The following UGGT2 variants were observed in gnomAD, a reference collection of about 807,000 sequenced individuals.
UGGT2 encodes UDP-glucose:glycoprotein glucosyltransferase 2.
In UGGT2, 180 loss-of-function variants were observed where a neutral mutation model predicts 192.1. The ratio of observed to expected loss-of-function variants is 0.94; its 90% CI spans 0.83 to 1.06. The LOEUF (loss-of-function observed/expected upper bound fraction) is 1.06. UGGT2 is among the 50% of genes least tolerant of loss of function. The probability of loss-of-function intolerance (pLI) is 0.00; values close to 1 mark genes in which losing one functional copy is unlikely to be tolerated. For missense variants in UGGT2, 1,849 were observed against 1,795.7 expected (o/e 1.03, Z -0.54); for synonymous variants, 580 against 591.0 (o/e 0.98, Z 0.27).
intron 38 of UGGT2, among the ~76,000 whole-genome samples, chr13:95,813,502 C>A (rs916390186): frequency 6.6e-6 from 1 of 152,116 alleles, no homozygotes; most frequent in Admixed American, 6.6e-5. Flanking sequence ...CTGTTTCTAG[C>A]AAGCTATGCT....
At chr13:95,947,942 A>C (rs1332201229) in intron 14 of UGGT2, 54 bp downstream of exon 14, 1 of 1,438,046 alleles carries the variant, frequency 7.0e-7, no homozygotes, top group Non-Finnish European at 9.7e-7. Context: ...ACACAATATG[A>C]ATAACATTGA....
At chr13:95,826,574 A>G (rs1380214218) in intron 38 of UGGT2, among the ~76,000 whole-genome samples, 2 of 152,088 alleles carry the variant, frequency 1.3e-5, no homozygotes, top group Admixed American at 1.3e-4. Context: ...ACAAGCAACC[A>G]CCAGTAAGAA....
intron 7 of UGGT2, among the ~76,000 whole-genome samples, chr13:95,994,429 G>A (rs2051554514): frequency 2.0e-5 from 3 of 151,476 alleles, no homozygotes; most frequent in Admixed American, 1.3e-4. Context: ...AAAAAATAAT[G>A]ATTTACTTAA....
intron 38 of UGGT2, among the ~76,000 whole-genome samples, chr13:95,829,984 C>T (rs1330204193): frequency 6.6e-6 from 1 of 152,206 alleles, no homozygotes; most frequent in African/African-American, 2.4e-5. Flanking sequence ...CACACATCTA[C>T]AACCATCTGA....
chr13:95,830,854 A>T (rs1886599981), intron 38 of UGGT2, among the ~76,000 whole-genome samples: 1 of 152,196 alleles, frequency 6.6e-6, no homozygotes, highest in South Asian at 2.1e-4. Context: ...CACTATTCAC[A>T]ATAGCAAAGA....
intron 20 of UGGT2, among the ~76,000 whole-genome samples, chr13:95,912,312 T>C (rs1459406804): frequency 1.3e-5 from 2 of 152,194 alleles, no homozygotes; most frequent in African/African-American, 2.4e-5. Context: ...TGTTTGCAGA[T>C]GACATGATTG....
At chr13:95,843,259 C>T (rs922993302) in intron 36 of UGGT2, among the ~76,000 whole-genome samples, 21 of 152,172 alleles carry the variant, frequency 1.4e-4, no homozygotes, top group African/African-American at 4.8e-4. Flanking sequence ...CGAATTCTAG[C>T]AGGTATATAT....
chr13:95,825,936 T>C (rs545864704), intron 38 of UGGT2, among the ~76,000 whole-genome samples: 48 of 152,254 alleles, frequency 3.2e-4, no homozygotes, highest in African/African-American at 1.1e-3. Flanking sequence ...CAGTGATTGC[T>C]ACTGCTCTTC....
intron 1 of UGGT2, among the ~76,000 whole-genome samples, chr13:96,040,049 T>C (rs1182337210): frequency 6.6e-6 from 1 of 152,214 alleles, no homozygotes; most frequent in African/African-American, 2.4e-5. Context: ...GTCTAGGCTT[T>C]TAATACCAAA....
At chr13:95,937,200 T>C (rs1355818786) in intron 16 of UGGT2, 112 bp from the exon 17 acceptor site, 4 of 1,226,006 alleles carry the variant, frequency 3.3e-6, no homozygotes, top group Non-Finnish European at 4.5e-6. Context: ...AAAACATCCA[T>C]TTTGCTAACT....
intron 38 of UGGT2, among the ~76,000 whole-genome samples, chr13:95,831,605 A>T (rs183439168): frequency 2.0e-5 from 3 of 152,152 alleles, no homozygotes; most frequent in Admixed American, 2.0e-4. Context: ...TCTTTTTTTA[A>T]GTTTGTTGAA....
chr13:95,907,362 G>A (rs936795477), intron 20 of UGGT2, among the ~76,000 whole-genome samples: 1 of 152,238 alleles, frequency 6.6e-6, no homozygotes, highest in Non-Finnish European at 1.5e-5. Context: ...GACAACTTCT[G>A]CAGACTTAAA....
chr13:95,974,016 T>C (rs961236962), intron 10 of UGGT2, among the ~76,000 whole-genome samples: 9 of 152,194 alleles, frequency 5.9e-5, no homozygotes, highest in Non-Finnish European at 1.0e-4. Flanking sequence ...TAGGGACTTG[T>C]GTGAACTACT....
At chr13:95,971,709 A>T (rs1291796805) in intron 11 of UGGT2, among the ~76,000 whole-genome samples, 1 of 152,056 alleles carries the variant, frequency 6.6e-6, no homozygotes, top group African/African-American at 2.4e-5. Context: ...TACTCTTTCT[A>T]TGTGTATTAT....
At chr13:95,909,857 G>A (rs781640164) in intron 20 of UGGT2, among the ~76,000 whole-genome samples, 37 of 140,438 alleles carry the variant, frequency 2.6e-4, no homozygotes, top group South Asian at 2.2e-4. Flanking sequence ...TCGAGTTATC[G>A]ACAAAGGGAA....
chr13:95,927,754 G>C (rs896654747), intron 17 of UGGT2, among the ~76,000 whole-genome samples: 5 of 152,102 alleles, frequency 3.3e-5, no homozygotes, highest in Non-Finnish European at 7.4e-5. Context: ...TGGAGGGAAG[G>C]TCAGCAGATA....
At chr13:96,006,307 C>A (rs2051972363) in intron 5 of UGGT2, among the ~76,000 whole-genome samples, 1 of 152,130 alleles carries the variant, frequency 6.6e-6, no homozygotes, top group South Asian at 2.1e-4. Context: ...AACAGAGTCA[C>A]AAGTAAACTT....
intron 5 of UGGT2, among the ~76,000 whole-genome samples, chr13:96,002,564 G>A (rs2051840462): frequency 6.6e-6 from 1 of 152,074 alleles, no homozygotes; most frequent in Non-Finnish European, 1.5e-5. Context: ...TTTACAAACT[G>A]TACACACACC....
At chr13:95,863,564 G>C (rs1176914220) in intron 31 of UGGT2, 65 bp downstream of exon 31, 10 of 1,328,796 alleles carry the variant, frequency 7.5e-6, no homozygotes, top group South Asian at 6.0e-5. Context: ...ACTACCTGTG[G>C]AACTTCCACA....
Sources: allele counts gnomAD v4.1 joint callset (sites outside exome capture counted in the v4.1 genomes callset), GRCh38; gene constraint gnomAD v4.1.1; transcripts MANE v1.5; gene names NCBI Gene and HGNC (gene_info 2026-07-23, HGNC 2026-07-21).